The following MOB3A variants were observed in gnomAD, a reference collection of about 807,000 sequenced individuals.
The protein encoded by MOB3A is MOB LAK.
Under a neutral mutation model 17.8 loss-of-function variants are expected in MOB3A, and 17 were observed. That is an observed-to-expected ratio of 0.95 (90% CI 0.65 to 1.43). The LOEUF (loss-of-function observed/expected upper bound fraction) is 1.43, where lower values mean the gene tolerates loss of function less well. Ranked by LOEUF, MOB3A falls within the 40% of genes most tolerant of loss-of-function variation. The pLI, the probability that MOB3A is intolerant of heterozygous loss-of-function variation, is 0.00. For missense variants in MOB3A, 333 were observed against 310.8 expected, an observed-to-expected ratio of 1.07 and a Z score of -0.54; for synonymous variants, 124 against 133.2, an observed-to-expected ratio of 0.93 and a Z score of 0.48.
chr19:2,078,448 G>A lies in MOB3A; in HGVS notation c.113C>T (p.Ser38Leu), dbSNP rs542254202. Residue 38 changes from serine (S) to leucine (L), a missense_variant, in exon 3 of 5, where the codon TCG becomes TTG. Coordinates refer to ENST00000357066, the MANE Select transcript of MOB3A (RefSeq NM_130807.3). ...CCGCAGGTCCAGCCCGGCGTTCAGCGACGCCTGCGCCTTCTTGTGCAGCTC... is the reference window on the plus strand; with the variant it reads ...CCGCAGGTCCAGCCCGGCGTTCAGCAACGCCTGCGCCTTCTTGTGCAGCTC... ...RFELHKKAQA[S>L]LNAGLDLRLA... is the part of the protein sequence containing the mutation. 1.7e-5 allele frequency: 27 copies of A among 1,613,372 alleles called. No individual in the cohort carries two copies. The highest frequency in any genetic ancestry group is 3.3e-5 in the Admixed American group (2 of 59,984).
intron 3 of MOB3A, among the ~76,000 whole-genome samples, chr19:2,077,702 G>A (rs1463005097): frequency 5.3e-5 from 8 of 152,080 alleles, no homozygotes; most frequent in Non-Finnish European, 1.2e-4. Flanking sequence ...TTTGGGGTGA[G>A]GAGACAGGAG....
intron 3 of MOB3A, among the ~76,000 whole-genome samples, chr19:2,077,350 C>T (rs1462367024): frequency 6.6e-6 from 1 of 151,396 alleles, no homozygotes; most frequent in Non-Finnish European, 1.5e-5. Context: ...TGAAGTGAGC[C>T]GAGATCGTGC....
intron 2 of MOB3A, among the ~76,000 whole-genome samples, 167 bp downstream of exon 2, chr19:2,085,008 G>GCCA (rs1384029824): frequency 1.1e-4 from 16 of 152,228 alleles, no homozygotes; most frequent in South Asian, 2.1e-4. Flanking sequence ...ACAGACGTGA[G>GCCA]CCACCATGTC....
chr19:2,077,260 G>A (rs1345431474), intron 3 of MOB3A, among the ~76,000 whole-genome samples: 1 of 152,064 alleles, frequency 6.6e-6, no homozygotes. Flanking sequence ...ATATTAGCCG[G>A]GTGTGGTGGC....
At chr19:2,076,733 C>G (rs1183662230) in intron 4 of MOB3A, 78 bp downstream of exon 4, 1 of 1,474,144 alleles carries the variant, frequency 6.8e-7, no homozygotes, top group African/African-American at 1.4e-5. Context: ...AGTCAGGGTC[C>G]TGGCCCCGGA....
At chr19:2,095,460 G>A (rs2017671281) in intron 1 of MOB3A, 1 of 152,286 alleles carries the variant, frequency 6.6e-6, no homozygotes, top group Non-Finnish European at 1.5e-5. Context: ...AGCAAGAAGG[G>A]CCTATTCGAA....
intron 2 of MOB3A, among the ~76,000 whole-genome samples, chr19:2,080,926 C>T (rs542950305): frequency 7.4e-4 from 113 of 152,158 alleles, no homozygotes; most frequent in African/African-American, 2.4e-3. Flanking sequence ...AGATGGCTTG[C>T]GTCCAGGAGT....
In MOB3A at chr19:2,078,506, T is replaced by C; in HGVS notation, c.55A>G (p.Lys19Glu). 6.2e-7 allele frequency: 1 copy of C among 1,604,342 alleles called. No individual in the cohort carries two copies. Among genetic ancestry groups the C allele is most frequent in the Non-Finnish European group, 8.5e-7 (1 of 1,173,370 alleles). Residue 19 changes from lysine (K) to glutamate (E), a missense_variant, in exon 3 of 5, where the codon AAG becomes GAG. Coordinates refer to ENST00000357066, the MANE Select transcript of MOB3A (RefSeq NM_130807.3). ...VFNKDKTFRPKRKFEPGTQRF... is the reference protein window; with the variant it reads ...VFNKDKTFRPERKFEPGTQRF... ...TGGGTGCCTGGCTCAAACTTGCGCT[T>C]GGGGCGGAATGTCTTGTCCTTGTTG... is the stretch of plus-strand genomic sequence containing the variant.
intron 1 of MOB3A, among the ~76,000 whole-genome samples, chr19:2,091,719 C>T (rs955616234): frequency 6.8e-6 from 1 of 146,518 alleles, no homozygotes; most frequent in Non-Finnish European, 1.5e-5. Context: ...GAATAAAAGC[C>T]GGGGTGCGGT....
intron 1 of MOB3A, chr19:2,095,456 A>G (rs1568259664): frequency 6.6e-6 from 1 of 152,260 alleles, no homozygotes; most frequent in Non-Finnish European, 1.5e-5. Context: ...CCCGAGCAAG[A>G]AGGGCCTATT....
chr19:2,083,652 T>G (rs1388854504), intron 2 of MOB3A, among the ~76,000 whole-genome samples: 1 of 152,156 alleles, frequency 6.6e-6, no homozygotes, highest in Non-Finnish European at 1.5e-5. Flanking sequence ...CCTCCCCGTT[T>G]CCGCTTCACA....
At chr19:2,077,449 G>T (rs1195215557) in intron 3 of MOB3A, among the ~76,000 whole-genome samples, 1 of 152,100 alleles carries the variant, frequency 6.6e-6, no homozygotes, top group African/African-American at 2.4e-5. Context: ...CTGTACTCTG[G>T]AGGGACGTGC....
chr19:2,090,656 G>A (rs997830963), intron 1 of MOB3A, among the ~76,000 whole-genome samples: 17 of 152,078 alleles, frequency 1.1e-4, no homozygotes, highest in African/African-American at 4.1e-4. Context: ...ACATAGCAAT[G>A]ATACAAATAC....
In MOB3A at chr19:2,078,489, T is replaced by C. The variant is rs2074894; in HGVS notation, c.72A>G (p.Pro24=). Residue 24 remains proline (P), a synonymous_variant, in exon 3 of 5, where the codon CCA becomes CCG. Coordinates refer to ENST00000357066, the MANE Select transcript of MOB3A (RefSeq NM_130807.3). ...KTFRPKRKFE[P]GTQRFELHKK... Reference sequence around the variant, plus strand: ...TGTGCAGCTCGAAGCGCTGGGTGCCTGGCTCAAACTTGCGCTTGGGGCGGA... The same window carrying C: ...TGTGCAGCTCGAAGCGCTGGGTGCCCGGCTCAAACTTGCGCTTGGGGCGGA... The C allele has an allele frequency of 0.34, 552,838 of 1,607,644 alleles. 99,528 individuals carry two copies. Among genetic ancestry groups the C allele is most frequent in the African/African-American group, 0.62 (46,678 of 74,808 alleles).
In MOB3A at chr19:2,077,469, C is replaced by A. The variant is rs192937854; in HGVS notation, c.422-456G>T. ...CTCTGGAGGGACGTGCCCTAATGATCATCCTCAAACCCACGTTTATGGGGT... is the reference window on the plus strand; with the variant it reads ...CTCTGGAGGGACGTGCCCTAATGATAATCCTCAAACCCACGTTTATGGGGT... On this transcript the variant is annotated intron_variant, in intron 3 of 4. Transcript: ENST00000357066. Among the ~76,000 whole-genome samples, 15 of 152,138 alleles carry A rather than the reference C, an allele frequency of 9.9e-5. No homozygotes were observed. In the East Asian group the frequency reaches 2.1e-3, roughly 22 times the overall value.
In MOB3A at chr19:2,096,289, A is replaced by C. The variant is rs959906970; in HGVS notation, c.-337T>G. The C allele has an allele frequency of 1.9e-5, 3 of 157,848 alleles. No homozygotes were observed. Among genetic ancestry groups the C allele is most frequent in the Non-Finnish European group, 4.2e-5 (3 of 71,562 alleles). The allele number at this position is 157,848 out of a possible 1,614,324, so 9.8% of individuals were successfully genotyped here. A position where few individuals can be genotyped will look rare whatever the true frequency, so the allele number is the denominator to read the frequency against. On this transcript the variant is annotated 5_prime_UTR_variant, in exon 1 of 5. Coordinates refer to ENST00000357066, the MANE Select transcript of MOB3A (RefSeq NM_130807.3). The stretch of plus-strand genomic sequence containing the variant: ...CCCAACTGGCCGCCTCGGCCGCCTC[A>C]GCCGCCGCACCGCCTCGCAGCCGCC...
intron 2 of MOB3A, among the ~76,000 whole-genome samples, chr19:2,083,418 C>A (rs559329160): frequency 2.0e-5 from 3 of 152,334 alleles, no homozygotes; most frequent in African/African-American, 7.2e-5. Context: ...ACACCACCTG[C>A]AGCACAAGAT....
intron 4 of MOB3A, among the ~76,000 whole-genome samples, chr19:2,076,300 C>T (rs1303060575): frequency 4.6e-5 from 7 of 151,752 alleles, no homozygotes; most frequent in South Asian, 2.1e-4. Flanking sequence ...GACGTGGTGG[C>T]GCGTGCCTGT....
At chr19:2,079,752 G>C (rs1214352440) in intron 2 of MOB3A, among the ~76,000 whole-genome samples, 2 of 152,216 alleles carry the variant, frequency 1.3e-5, no homozygotes, top group Non-Finnish European at 2.9e-5. Flanking sequence ...CTCTTCCCTT[G>C]ATTTCATCCA....
Sources: gnomAD v4.1 joint callset for allele counts (sites outside exome capture counted in the v4.1 genomes callset) on GRCh38, gnomAD v4.1.1 for gene constraint, MANE v1.5 for transcripts, NCBI Gene and HGNC (gene_info 2026-07-23, HGNC 2026-07-21) for gene names.